The following ZNF407 variants were observed in gnomAD, a reference collection of about 807,000 sequenced individuals.
ZNF407 encodes the protein zinc finger protein 407.
A neutral mutation model predicts 131.2 loss-of-function variants in ZNF407; 17 were observed. That is an observed-to-expected ratio of 0.13 (90% CI 0.09 to 0.19). The LOEUF (loss-of-function observed/expected upper bound fraction) is 0.19. Among genes scored for constraint, ZNF407 ranks in the 10% least tolerant of loss-of-function variants. The pLI is 1.00. For synonymous variants in ZNF407, 1,156 were observed against 1,062.0 expected (o/e 1.09, Z -1.72); for missense variants, 2,681 against 2,830.6 (o/e 0.95, Z 1.20).
At chr18:74,719,510 C>G (rs921040427) in intron 3 of ZNF407, among the ~76,000 whole-genome samples, 1 of 152,228 alleles carries the variant, frequency 6.6e-6, no homozygotes, top group Non-Finnish European at 1.5e-5. Flanking sequence ...CGCCATTCTC[C>G]TGCCTCAGTC....
chr18:74,702,970 C>CT (rs1425383319), intron 3 of ZNF407, among the ~76,000 whole-genome samples: 4 of 152,180 alleles, frequency 2.6e-5, no homozygotes, highest in African/African-American at 9.7e-5. Flanking sequence ...TGGGCAGAAA[C>CT]CCATGTCTGT....
At chr18:74,878,714 A>G (rs546952628) in intron 5 of ZNF407, among the ~76,000 whole-genome samples, 1 of 152,274 alleles carries the variant, frequency 6.6e-6, no homozygotes, top group East Asian at 1.9e-4. Flanking sequence ...AACTAATTCA[A>G]GTTGTTACAA....
intron 3 of ZNF407, among the ~76,000 whole-genome samples, chr18:74,646,378 A>G (rs1023343644): frequency 1.3e-5 from 2 of 152,252 alleles, no homozygotes; most frequent in African/African-American, 4.8e-5. Flanking sequence ...AATTATGCTT[A>G]TAACAGTATA....
At chr18:74,890,094 G>A in intron 7 of ZNF407, 56 bp downstream of exon 7, 1 of 1,406,146 alleles carries the variant, frequency 7.1e-7, no homozygotes, top group Non-Finnish European at 9.3e-7. Context: ...TGGATTAAAA[G>A]CCCGTTAAAT....
In ZNF407 at chr18:74,844,201, T is replaced by TTCCCCCATGGCTTGCTTCTCC. The variant is rs1401068634; in HGVS notation, c.4878-32984_4878-32964dup. On this transcript the variant is annotated intron_variant, in intron 4 of 8. Transcript: ENST00000299687. The stretch of plus-strand genomic sequence containing the variant: ...CTCCTTGGCTGAGCCGTGCTTTTCC[T>TTCCCCCATGGCTTGCTTCTCC]TCCCCCATGGCTTGCTTCTCCTCCC... Among the ~76,000 whole-genome samples, 98 of 152,270 alleles carry TTCCCCCATGGCTTGCTTCTCC rather than the reference T, an allele frequency of 6.4e-4. 3 individuals carry two copies. In the South Asian group the frequency reaches 0.019, roughly 29 times the overall value.
intron 3 of ZNF407, among the ~76,000 whole-genome samples, chr18:74,755,833 TTCCC>T (rs1189718810): frequency 1.1e-5 from 1 of 89,576 alleles, no homozygotes; most frequent in Non-Finnish European, 2.1e-5. Flanking sequence ...CCTCCCTCCC[TTCCC>T]TCCCTCCCTT....
chr18:74,856,682 T>A (rs1444496838), intron 4 of ZNF407, among the ~76,000 whole-genome samples: 1 of 152,212 alleles, frequency 6.6e-6, no homozygotes, highest in Non-Finnish European at 1.5e-5. Context: ...AAATTTTTCA[T>A]GAAGAGGTTT....
intron 8 of ZNF407, among the ~76,000 whole-genome samples, chr18:74,985,367 T>C (rs1396846119): frequency 1.3e-5 from 2 of 152,216 alleles, no homozygotes; most frequent in Admixed American, 1.3e-4. Context: ...GTTTCCTATA[T>C]CATATTAATT....
chr18:74,934,555 T>C (rs1972017871), intron 8 of ZNF407, among the ~76,000 whole-genome samples: 1 of 152,232 alleles, frequency 6.6e-6, no homozygotes, highest in South Asian at 2.1e-4. Flanking sequence ...ACGCCTATAA[T>C]CCTAGCACTT....
chr18:74,969,360 G>A (rs1972445674), intron 8 of ZNF407, among the ~76,000 whole-genome samples: 2 of 152,122 alleles, frequency 1.3e-5, no homozygotes, highest in South Asian at 4.1e-4. Flanking sequence ...TGTCTATTAT[G>A]TCATGAGACT....
At chr18:74,831,651 T>G (rs1441076305) in intron 4 of ZNF407, among the ~76,000 whole-genome samples, 1 of 152,224 alleles carries the variant, frequency 6.6e-6, no homozygotes, top group Non-Finnish European at 1.5e-5. Context: ...ACATTTTCTT[T>G]ATTCATCCAT....
rs776925950 is a variant in ZNF407 at position 74,920,717 on chromosome 18, T to G, written c.5428+25T>G. On this transcript the variant is annotated intron_variant, in intron 8 of 8. Transcript: ENST00000299687. ...GGTAAGGGACAGAAACTGTGAAAAC[T>G]TGTTTCTAACAGGATTTCATGTGAT... 4 of 1,579,216 alleles carry G rather than the reference T, an allele frequency of 2.5e-6. No homozygotes were observed. The South Asian group carries it at 3.4e-5, about 13-fold the overall frequency.
rs749456609 is a variant in ZNF407 at position 74,633,372 on chromosome 18, A to G, written c.2353A>G (p.Lys785Glu). 8 of 1,613,970 alleles carry G rather than the reference A, an allele frequency of 5.0e-6. No homozygotes were observed. The highest frequency in any genetic ancestry group is 1.6e-4 in the Middle Eastern group (1 of 6,062). Reference protein sequence around the residue: ...IERVCIGANDKKEEFDVSGNG... With the variant: ...IERVCIGANDEKEEFDVSGNG... ...AAGGGTATGTATAGGTGCAAATGAT[A>G]AAAAAGAAGAGTTTGATGTTTCCGG... is the stretch of plus-strand genomic sequence containing the variant. Residue 785 changes from lysine to glutamate, a missense_variant, in exon 2 of 9, where the codon AAA becomes GAA. Around this residue, in one of 6 missense-constraint regions of ZNF407, gnomAD observed 1,789 missense variants for 1,748.7 expected, o/e 1.02. Coordinates refer to ENST00000299687, the MANE Select transcript of ZNF407 (RefSeq NM_017757.3).
chr18:75,003,220 C>A (rs921797469), intron 8 of ZNF407, among the ~76,000 whole-genome samples: 1 of 152,190 alleles, frequency 6.6e-6, no homozygotes, highest in Admixed American at 6.5e-5. Context: ...GGCTTCCTGG[C>A]AAATGTGTTT....
intron 1 of ZNF407, among the ~76,000 whole-genome samples, chr18:74,626,788 G>T (rs2144650922): frequency 6.6e-6 from 1 of 152,282 alleles, no homozygotes; most frequent in South Asian, 2.1e-4. Context: ...AGAGCATATT[G>T]CATGGCTCCA....
At chr18:74,789,159 T>G (rs1969777461) in intron 4 of ZNF407, among the ~76,000 whole-genome samples, 1 of 152,128 alleles carries the variant, frequency 6.6e-6, no homozygotes, top group Admixed American at 6.6e-5. Flanking sequence ...GGTATAAGAT[T>G]GAGGATGCTA....
chr18:74,598,943 T>C (rs1412807382), intron 1 of ZNF407, among the ~76,000 whole-genome samples: 1 of 152,250 alleles, frequency 6.6e-6, no homozygotes, highest in Non-Finnish European at 1.5e-5. Context: ...TAGAATACTT[T>C]TATAAGTAAT....
At chr18:75,009,192 C>A (rs948726067) in intron 8 of ZNF407, among the ~76,000 whole-genome samples, 2 of 152,092 alleles carry the variant, frequency 1.3e-5, no homozygotes, top group African/African-American at 4.8e-5. Context: ...GTCTTTAAAC[C>A]AGCTTTTCCT....
chr18:74,694,751 T>A (rs1967311748), intron 3 of ZNF407, among the ~76,000 whole-genome samples: 1 of 152,184 alleles, frequency 6.6e-6, no homozygotes, highest in South Asian at 2.1e-4. Flanking sequence ...TGAAAATAGT[T>A]GTTTGCTGTA....
Sources: allele counts gnomAD v4.1 joint callset (sites outside exome capture counted in the v4.1 genomes callset), GRCh38; gene constraint gnomAD v4.1.1; regional missense constraint gnomAD v4.1.1; transcripts MANE v1.5; gene names NCBI Gene and HGNC (gene_info 2026-07-23, HGNC 2026-07-21).